SDF4: variants seen among roughly 807,000 people sequenced by gnomAD.
SDF4 encodes 45 kDa calcium-binding protein.
A neutral mutation model predicts 34.2 loss-of-function variants in SDF4; 22 were observed. The ratio of observed to expected loss-of-function variants is 0.64; its 90% CI spans 0.46 to 0.92. The LOEUF (loss-of-function observed/expected upper bound fraction) is 0.92. Among genes scored for constraint, SDF4 ranks in the 40% least tolerant of loss-of-function variants. SDF4 has a pLI of 0.00. For missense variants in SDF4, 447 were observed against 499.9 expected, an observed-to-expected ratio of 0.89 and a Z score of 1.01; for synonymous variants, 236 against 203.1, an observed-to-expected ratio of 1.16 and a Z score of -1.38.
At chr1:1,220,822 A>G (rs1302471975) in intron 4 of SDF4, 1 of 1,165,556 alleles carries the variant, frequency 8.6e-7, no homozygotes, top group East Asian at 5.8e-5. Flanking sequence ...TCCTGCCCCA[A>G]GCACATCGCC....
In SDF4 at chr1:1,217,500, G is replaced by A. The variant is rs763823395; in HGVS notation, c.*12C>T. ...TGGTGCGTGGGGGGCGGCGCGGGGC[G>A]CGGCCGGGCGCTCAAAACTCCTCGT... On this transcript the variant is annotated 3_prime_UTR_variant, in exon 7 of 7. Transcript: ENST00000360001. This position sits in a 1 kb window ranked among gnomAD's most constrained non-coding sequence, Gnocchi z 8.5. The A allele has an allele frequency of 3.2e-5, 50 of 1,548,830 alleles. No homozygotes were observed. The Middle Eastern group carries it at 1.3e-3, about 41-fold the overall frequency.
Position 1,223,972 on chromosome 1 carries a change from C to G in SDF4, c.306-4G>C, listed in dbSNP as rs367831129. On this transcript the variant is annotated splice_polypyrimidine_tract_variant and splice_region_variant and intron_variant, in intron 2 of 6. Coordinates refer to ENST00000360001, the MANE Select transcript of SDF4 (RefSeq NM_016176.6). The stretch of plus-strand genomic sequence containing the variant: ...CCGGTCAGTGTTCACATCCACCCTG[C>G]AAGACAGCAAATGGGCAGGTGGCCG... 1.5e-5 allele frequency: 24 copies of G among 1,609,684 alleles called. No individual in the cohort carries two copies. In the African/African-American group the frequency reaches 2.8e-4, roughly 19 times the overall value.
chr1:1,223,786 GCC>G, intron 3 of SDF4, 44 bp downstream of exon 3: 1 of 585,240 alleles, frequency 1.7e-6, no homozygotes, highest in Non-Finnish European at 2.9e-6. Context: ...CCATGGCCCT[GCC>G]CGCCCCGCCC....
At chr1:1,229,363 C>G (rs555622126) in intron 1 of SDF4, among the ~76,000 whole-genome samples, 3 of 143,232 alleles carry the variant, frequency 2.1e-5, no homozygotes, top group Admixed American at 2.0e-4. Flanking sequence ...TGCACCCCCA[C>G]GCCCAGTAAT....
intron 2 of SDF4, among the ~76,000 whole-genome samples, chr1:1,227,706 G>C (rs893214270): frequency 6.6e-6 from 1 of 152,198 alleles, no homozygotes; most frequent in Non-Finnish European, 1.5e-5. Flanking sequence ...CGGCCGTGCC[G>C]TAAGGAGTAA....
rs375623469 is a variant in SDF4 at position 1,216,998 on chromosome 1, G to A, written c.*514C>T. The A allele has an allele frequency of 3.9e-5, 6 of 152,224 alleles. No individual in the cohort carries two copies. Among genetic ancestry groups the A allele is most frequent in the South Asian group, 2.1e-4 (1 of 4,832 alleles). The allele number at this position is 152,224 out of a possible 1,614,324, so 9.4% of individuals were successfully genotyped here. On this transcript the variant is annotated 3_prime_UTR_variant, in exon 7 of 7. Transcript: ENST00000360001. ...TTTGCATTTTCTCAGCGGCAGCTGC[G>A]GGACCTGGGTGGCTCCGACACGCCA...
chr1:1,220,372 A>G (rs1649862825), intron 4 of SDF4: 1 of 1,137,810 alleles, frequency 8.8e-7, no homozygotes, highest in Admixed American at 4.1e-5. Flanking sequence ...ATCAGGTCTG[A>G]GGCGCGAGGA....
chr1:1,224,324 G>A (rs1452251623), intron 2 of SDF4, among the ~76,000 whole-genome samples: 1 of 152,202 alleles, frequency 6.6e-6, no homozygotes, highest in African/African-American at 2.4e-5. Context: ...CTGTCACCCA[G>A]GCTGGAGTGT....
intron 2 of SDF4, among the ~76,000 whole-genome samples, chr1:1,226,776 C>T (rs879625747): frequency 1.3e-5 from 2 of 152,212 alleles, no homozygotes; most frequent in East Asian, 3.8e-4. Context: ...AAAGAAACCC[C>T]GGTCCAGCTG....
chr1:1,217,733 G>C lies in SDF4; in HGVS notation c.892-45C>G. The C allele has an allele frequency of 6.2e-7, 1 of 1,610,692 alleles. No individual in the cohort carries two copies. Among genetic ancestry groups the C allele is most frequent in the Non-Finnish European group, 8.5e-7 (1 of 1,178,806 alleles). ...AGGTCAGCGTCGCCTTTCCCCCTCC[G>C]AGCTCCGCGGCCAGCCGCACGAAGT... is the stretch of plus-strand genomic sequence containing the variant. On this transcript the variant is annotated intron_variant, in intron 6 of 6. Coordinates refer to ENST00000360001, the MANE Select transcript of SDF4 (RefSeq NM_016176.6). This position sits in a 1 kb window ranked among gnomAD's most constrained non-coding sequence, Gnocchi z 8.5.
chr1:1,217,661 T>C lies in SDF4; in HGVS notation c.919A>G (p.Asn307Asp). 1 of 1,613,826 alleles carries C rather than the reference T, an allele frequency of 6.2e-7. No individual in the cohort carries two copies. Among genetic ancestry groups the C allele is most frequent in the Non-Finnish European group, 8.5e-7 (1 of 1,179,938 alleles). Residue 307 changes from asparagine to aspartate, a missense_variant, in exon 7 of 7, where the codon AAC (asparagine) becomes GAC (aspartate). Physicochemically the swap from Asn to Asp is conservative, Grantham distance 23. Coordinates refer to ENST00000360001, the MANE Select transcript of SDF4 (RefSeq NM_016176.6). This position sits in a 1 kb window ranked among gnomAD's most constrained non-coding sequence, Gnocchi z 8.5. Reference protein sequence around the residue: ...ESYMDPMNEYNALNEAKQMIA... With the variant: ...ESYMDPMNEYDALNEAKQMIA... ...ATCTGCTTGGCCTCGTTCAGCGCGT[T>C]GTACTCGTTCATGGGGTCCATGTAG...
At chr1:1,220,733 GGGCAGAAAA>G in intron 4 of SDF4, 1 of 1,289,208 alleles carries the variant, frequency 7.8e-7, no homozygotes, top group Non-Finnish European at 1.0e-6. Flanking sequence ...GCCATGTCCT[GGGCAGAAAA>G]GACCCAAATA....
chr1:1,220,543 G>A (rs892964557), intron 4 of SDF4: 3 of 1,249,472 alleles, frequency 2.4e-6, no homozygotes, highest in East Asian at 5.8e-5. Flanking sequence ...AGGTCGGGGG[G>A]TCCTAGGCAC....
rs375658898 is a variant in SDF4 at position 1,217,623 on chromosome 1, G to A, written c.957C>T (p.Ala319=). ...CCAGGTGGTGGTTCTGGTTCTCGTCGGCGACGGCGATCATCTGCTTGGCCT... is the reference window on the plus strand; with the variant it reads ...CCAGGTGGTGGTTCTGGTTCTCGTCAGCGACGGCGATCATCTGCTTGGCCT... ...LNEAKQMIAV[A]DENQNHHLEP... Residue 319 remains alanine (A), a synonymous_variant, in exon 7 of 7, where the codon GCC becomes GCT. Coordinates refer to ENST00000360001, the MANE Select transcript of SDF4 (RefSeq NM_016176.6). The surrounding 1 kb of genome is among the most constrained non-coding windows in gnomAD (Gnocchi z 8.5). The A allele has an allele frequency of 1.1e-5, 18 of 1,613,652 alleles. No homozygotes were observed. Among genetic ancestry groups the A allele is most frequent in the African/African-American group, 6.7e-5 (5 of 74,906 alleles).
chr1:1,220,411 C>T, intron 4 of SDF4: 2 of 1,173,136 alleles, frequency 1.7e-6, no homozygotes, highest in Non-Finnish European at 2.1e-6. Context: ...CGCGGTGACC[C>T]TCGCAGGAGC....
At chr1:1,223,786 G>GGGCCC in intron 3 of SDF4, 46 bp downstream of exon 3, 1 of 585,242 alleles carries the variant, frequency 1.7e-6, no homozygotes, top group Non-Finnish European at 2.9e-6. Flanking sequence ...CCATGGCCCT[G>GGGCCC]CCCGCCCCGC....
chr1:1,220,350 G>A (rs1452716942), intron 4 of SDF4: 22 of 1,110,404 alleles, frequency 2.0e-5, no homozygotes, highest in African/African-American at 8.2e-5. Flanking sequence ...CGCCTTCACC[G>A]CGGTCCCCAG....
intron 4 of SDF4, chr1:1,221,193 C>T: frequency 5.3e-6 from 1 of 190,206 alleles, no homozygotes; most frequent in South Asian, 9.9e-5. Context: ...CCAACAGGCT[C>T]AAAAGTCTCC....
Position 1,217,410 on chromosome 1 carries a change from C to CG in SDF4, c.*101dup. ...CCGCGGTCGGTCGGCCGGTGGCGGG[C>CG]GGCAGGGAAGAGGTGGGGTCCGGGA... On this transcript the variant is annotated 3_prime_UTR_variant, in exon 7 of 7. Coordinates refer to ENST00000360001, the MANE Select transcript of SDF4 (RefSeq NM_016176.6). The surrounding 1 kb of genome is among the most constrained non-coding windows in gnomAD (Gnocchi z 8.5). The CG allele has an allele frequency of 9.5e-7, 1 of 1,051,556 alleles. No individual in the cohort carries two copies. The highest frequency in any genetic ancestry group is 1.2e-6 in the Non-Finnish European group (1 of 814,520). The allele number at this position is 1,051,556 out of a possible 1,614,324, so 65.1% of individuals were successfully genotyped here. A position where few individuals can be genotyped will look rare whatever the true frequency, so the allele number is the denominator to read the frequency against.
Sources: gnomAD v4.1 joint callset for allele counts (sites outside exome capture counted in the v4.1 genomes callset) on GRCh38, gnomAD v4.1.1 for gene constraint, Gnocchi (gnomAD v3.1) non-coding constraint, MANE v1.5 for transcripts, NCBI Gene and HGNC (gene_info 2026-07-23, HGNC 2026-07-21) for gene names.